Variants in SCN10A observed in about 807,000 individuals in gnomAD.
The protein encoded by SCN10A is sodium voltage-gated channel alpha subunit 10, also known as sodium channel protein type 10 subunit alpha.
SCN10A carries 162 observed loss-of-function variants against 170.7 expected under a neutral mutation model. That is an observed-to-expected ratio of 0.95 (90% CI 0.84 to 1.08). The LOEUF is 1.08. SCN10A is among the 50% of genes least tolerant of loss of function. The pLI, the probability that SCN10A is intolerant of heterozygous loss-of-function variation, is 0.00. For missense variants in SCN10A, 2,527 were observed against 2,436.9 expected (o/e 1.04, Z -0.78); for synonymous variants, 985 against 904.6 (o/e 1.09, Z -1.59).
intron 4 of SCN10A, among the ~76,000 whole-genome samples, chr3:38,786,161 A>G (rs2064198994): frequency 6.6e-6 from 1 of 152,220 alleles, no homozygotes; most frequent in South Asian, 2.1e-4. Flanking sequence ...TTATTCTACT[A>G]TAAAGATACA....
At chr3:38,774,979 T>C (rs891868275) in intron 4 of SCN10A, among the ~76,000 whole-genome samples, 2 of 152,292 alleles carry the variant, frequency 1.3e-5, no homozygotes, top group South Asian at 4.1e-4. Context: ...GGGAGCAGCA[T>C]CTTCTATCTG....
chr3:38,743,413 G>A (rs1156992805), intron 13 of SCN10A, among the ~76,000 whole-genome samples: 2 of 152,036 alleles, frequency 1.3e-5, no homozygotes, highest in Admixed American at 6.6e-5. Flanking sequence ...ATTATCTCGC[G>A]GCTTTGAAAA....
At chr3:38,760,945 A>T (rs1230535523) in intron 7 of SCN10A, among the ~76,000 whole-genome samples, 198 bp from the exon 8 acceptor site, 2 of 152,158 alleles carry the variant, frequency 1.3e-5, no homozygotes, top group African/African-American at 4.8e-5. Flanking sequence ...TTCGGCTCTC[A>T]ATCTCCCCCA....
chr3:38,708,164 G>C (rs949563283), intron 25 of SCN10A, among the ~76,000 whole-genome samples: 1 of 152,176 alleles, frequency 6.6e-6, no homozygotes, highest in Non-Finnish European at 1.5e-5. Context: ...GATCTGAGAA[G>C]ATCTGTGGAC....
intron 11 of SCN10A, among the ~76,000 whole-genome samples, chr3:38,753,276 G>T (rs1263205240): frequency 1.3e-5 from 2 of 152,200 alleles, no homozygotes; most frequent in East Asian, 1.9e-4. Context: ...TAGTGTGCTG[G>T]GTTAGGTAGT....
chr3:38,772,840 CA>C (rs758402469), intron 4 of SCN10A, among the ~76,000 whole-genome samples: 10 of 151,456 alleles, frequency 6.6e-5, no homozygotes, highest in Non-Finnish European at 1.5e-4. Flanking sequence ...CCTTCAAAGA[CA>C]AAATGGAATT....
chr3:38,697,489 T>A lies in SCN10A; in HGVS notation c.5731A>T (p.Thr1911Ser). The A allele has an allele frequency of 6.2e-7, 1 of 1,614,142 alleles. No individual in the cohort carries two copies. The highest frequency in any genetic ancestry group is 2.2e-5 in the East Asian group (1 of 44,882). ...GGTGGGAATGATGTGGCAGAAGCAGTTTCAGATTTGTCTGGGAGTACACAA... is the reference window on the plus strand; with the variant it reads ...GGTGGGAATGATGTGGCAGAAGCAGATTCAGATTTGTCTGGGAGTACACAA... ...ENCVLPDKSE[T>S]ASATSFPPSY... The change falls in exon 28 of 28, where the codon ACT (threonine) becomes TCT (serine). Residue 1911 changes from threonine to serine, a missense_variant. Physicochemically the swap from Thr to Ser is moderately conservative, Grantham distance 58 (BLOSUM62 1). Transcript: ENST00000449082.
In SCN10A at chr3:38,718,768, G is replaced by T; in HGVS notation, c.3566C>A (p.Thr1189Asn). ...AAAGATAAAGGTGAAGACCCTGTCA[G>T]TGTACTCCAGCAAAGCTTTCACCGT... is the stretch of plus-strand genomic sequence containing the variant. Reference protein sequence around the residue: ...KPTVKALLEYTDRVFTFIFVF... With the variant: ...KPTVKALLEYNDRVFTFIFVF... Residue 1189 changes from threonine to asparagine, a missense_variant, in exon 21 of 28, where the codon ACT (threonine) becomes AAT (asparagine). Coordinates refer to ENST00000449082, the MANE Select transcript of SCN10A (RefSeq NM_006514.4). 1.2e-6 allele frequency: 2 copies of T among 1,614,250 alleles called. No individual in the cohort carries two copies. Among genetic ancestry groups the T allele is most frequent in the Non-Finnish European group, 1.7e-6 (2 of 1,180,030 alleles).
At chr3:38,702,876 C>T (rs960342434) in intron 26 of SCN10A, among the ~76,000 whole-genome samples, 1 of 152,172 alleles carries the variant, frequency 6.6e-6, no homozygotes, top group Non-Finnish European at 1.5e-5. Flanking sequence ...TAAAAAGCTC[C>T]TACTGTGATC....
At chr3:38,706,028 T>C (rs572112442) in intron 26 of SCN10A, among the ~76,000 whole-genome samples, 5 of 152,312 alleles carry the variant, frequency 3.3e-5, no homozygotes, top group African/African-American at 9.6e-5. Context: ...TTATCTTGAT[T>C]GTATGGGTGA....
At position 38,726,823 on chromosome 3, in the gene SCN10A, T is replaced by G; in HGVS notation, c.2870A>C (p.Lys957Thr). The change falls in exon 17 of 28, where the codon AAG becomes ACG. Residue 957 changes from lysine to threonine, a missense_variant. Transcript: ENST00000449082. ...GTTGGCAGCAATGTGGTTCTCAGCC[T>G]TGGAGCTGGAGAGTGGGAGTTTCAC... ...LVVKLPLSSSKAENHIAANTA... is the reference protein window; with the variant it reads ...LVVKLPLSSSTAENHIAANTA... 6.2e-7 allele frequency: 1 copy of G among 1,613,386 alleles called. No individual in the cohort carries two copies. The highest frequency in any genetic ancestry group is 8.5e-7 in the Non-Finnish European group (1 of 1,179,336).
chr3:38,791,234 G>A (rs902080741), intron 3 of SCN10A, among the ~76,000 whole-genome samples: 5 of 152,148 alleles, frequency 3.3e-5, no homozygotes, highest in Non-Finnish European at 4.4e-5. Context: ...CAATCCTTCC[G>A]ATGACCAAGG....
At chr3:38,733,062 G>A (rs1461135955) in intron 15 of SCN10A, among the ~76,000 whole-genome samples, 1 of 152,194 alleles carries the variant, frequency 6.6e-6, no homozygotes, top group East Asian at 1.9e-4. Flanking sequence ...GGAAAGCAAA[G>A]AAATAAAGAA....
intron 13 of SCN10A, among the ~76,000 whole-genome samples, chr3:38,749,161 A>C (rs1411432830): frequency 6.6e-6 from 1 of 152,152 alleles, no homozygotes; most frequent in African/African-American, 2.4e-5. Context: ...AATCCCTCAA[A>C]CATTTTTTTG....
In SCN10A at chr3:38,726,965, G is replaced by A. The variant is rs2126001605; in HGVS notation, c.2728C>T (p.Leu910=). The A allele has an allele frequency of 6.2e-7, 1 of 1,614,268 alleles. No homozygotes were observed. The highest frequency in any genetic ancestry group is 8.5e-7 in the Non-Finnish European group (1 of 1,180,036). ...TGGATCCGTGCCAGGGCCACCTGCAGGTTGTTCACCTCCCCATCGTCCTCC... is the reference window on the plus strand; with the variant it reads ...TGGATCCGTGCCAGGGCCACCTGCAAGTTGTTCACCTCCCCATCGTCCTCC... ...APEDDGEVNN[L]QVALARIQVF... is the part of the protein sequence containing the mutation. The change falls in exon 17 of 28, where the codon CTG becomes TTG. Residue 910 remains leucine (L), a synonymous_variant. Coordinates refer to ENST00000449082, the MANE Select transcript of SCN10A (RefSeq NM_006514.4).
At chr3:38,714,105 A>G (rs765772575) in intron 21 of SCN10A, 25 bp from the exon 22 acceptor site, 2 of 1,612,672 alleles carry the variant, frequency 1.2e-6, no homozygotes, top group Non-Finnish European at 1.7e-6. Flanking sequence ...GGGCAGAAAC[A>G]TCACTCTAGG....
chr3:38,729,577 T>C (rs1231897466), intron 15 of SCN10A, among the ~76,000 whole-genome samples: 1 of 152,196 alleles, frequency 6.6e-6, no homozygotes, highest in Non-Finnish European at 1.5e-5. Context: ...ATGGAACCAA[T>C]GGTTTAGTTA....
chr3:38,743,595 A>G (rs2063656830), intron 13 of SCN10A, among the ~76,000 whole-genome samples: 2 of 152,056 alleles, frequency 1.3e-5, no homozygotes, highest in Non-Finnish European at 2.9e-5. Flanking sequence ...TCCAGTTCTC[A>G]TCTTACCCTT....
chr3:38,697,491 T>G lies in SCN10A; in HGVS notation c.5729A>C (p.Glu1910Ala), dbSNP rs1329504545. The change falls in exon 28 of 28, where the codon GAA becomes GCA. Residue 1910 changes from glutamate to alanine, a missense_variant. Transcript: ENST00000449082. Reference sequence around the variant, plus strand: ...TGGGAATGATGTGGCAGAAGCAGTTTCAGATTTGTCTGGGAGTACACAATT... The same window carrying G: ...TGGGAATGATGTGGCAGAAGCAGTTGCAGATTTGTCTGGGAGTACACAATT... Reference protein sequence around the residue: ...NENCVLPDKSETASATSFPPS... With the variant: ...NENCVLPDKSATASATSFPPS... 6.2e-7 allele frequency: 1 copy of G among 1,614,196 alleles called. No homozygotes were observed. Among genetic ancestry groups the G allele is most frequent in the South Asian group, 1.1e-5 (1 of 91,074 alleles).
Sources: gnomAD v4.1 joint callset for allele counts (sites outside exome capture counted in the v4.1 genomes callset) on GRCh38, gnomAD v4.1.1 for gene constraint, MANE v1.5 for transcripts, NCBI Gene and HGNC (gene_info 2026-07-23, HGNC 2026-07-21) for gene names.